TXNDC9: variants seen among roughly 807,000 people sequenced by gnomAD.
TXNDC9 encodes thioredoxin domain-containing protein 9.
Under a neutral mutation model 23.0 loss-of-function variants are expected in TXNDC9, and 7 were observed. The ratio of observed to expected loss-of-function variants is 0.30; its 90% CI spans 0.17 to 0.57. TXNDC9 has a LOEUF of 0.57. Ranked by LOEUF, TXNDC9 falls within the 20% of genes least tolerant of loss-of-function variation. The pLI, the probability that TXNDC9 is intolerant of heterozygous loss-of-function variation, is 0.90. For missense variants in TXNDC9, 198 were observed against 252.6 expected (o/e 0.78, Z 1.47); for synonymous variants, 72 against 90.6 (o/e 0.79, Z 1.17).
chr2:99,315,421 T>C (rs906804061), downstream of TXNDC9, among the ~76,000 whole-genome samples: 4 of 152,134 alleles, frequency 2.6e-5, no homozygotes, highest in Admixed American at 1.3e-4. Flanking sequence ...TTGAAAGAAT[T>C]CTCTACACAT....
the TXNDC9 span, among the ~76,000 whole-genome samples, chr2:99,308,091 A>G: frequency 2.4e-4 from 37 of 152,340 alleles, no homozygotes; most frequent in South Asian, 7.7e-3. Context: ...CTCTTTGTGC[A>G]GAAGGAAACA....
At chr2:99,332,451 G>GA (rs1335954106) in intron 2 of TXNDC9, among the ~76,000 whole-genome samples, 2 of 151,280 alleles carry the variant, frequency 1.3e-5, no homozygotes, top group South Asian at 2.1e-4. Flanking sequence ...TCAAAAAGCA[G>GA]AAAAAAAAAT....
downstream of TXNDC9, among the ~76,000 whole-genome samples, chr2:99,316,923 A>G (rs1350755731): frequency 6.6e-6 from 1 of 151,842 alleles, no homozygotes; most frequent in South Asian, 2.1e-4. Flanking sequence ...CGCCCGGCTA[A>G]TTTTTTGTAT....
chr2:99,311,489 G>A, the TXNDC9 span, among the ~76,000 whole-genome samples: 1 of 152,052 alleles, frequency 6.6e-6, no homozygotes, highest in Non-Finnish European at 1.5e-5. Context: ...TGGGGGAGGG[G>A]GTCTCACTAT....
At chr2:99,320,430 C>T (rs764312604) in intron 4 of TXNDC9, among the ~76,000 whole-genome samples, 3 of 152,100 alleles carry the variant, frequency 2.0e-5, no homozygotes, top group South Asian at 2.1e-4. Context: ...ATAATATGCC[C>T]GTCAAAAATC....
In TXNDC9 at chr2:99,327,527, A is replaced by G; in HGVS notation, c.308+8T>C. The G allele has an allele frequency of 6.3e-7, 1 of 1,590,328 alleles. No individual in the cohort carries two copies. The highest frequency in any genetic ancestry group is 8.6e-7 in the Non-Finnish European group (1 of 1,159,946). ...TTTAGAAAAAGTCACAGATGGAAAC[A>G]AAGTTACCTGAATGTGGAGTCTCTG... On this transcript the variant is annotated splice_region_variant and intron_variant, in intron 3 of 4. Coordinates refer to ENST00000264255, the MANE Select transcript of TXNDC9 (RefSeq NM_005783.4).
At chr2:99,319,948 G>T (rs550229121) in intron 4 of TXNDC9, 149 bp from the exon 5 acceptor site, 2 of 578,446 alleles carry the variant, frequency 3.5e-6, no homozygotes, top group Non-Finnish European at 6.0e-6. Context: ...TGCTTATATT[G>T]ATATTGATGG....
intron 2 of TXNDC9, among the ~76,000 whole-genome samples, chr2:99,331,533 A>C (rs2094225547): frequency 6.6e-6 from 1 of 151,972 alleles, no homozygotes; most frequent in Non-Finnish European, 1.5e-5. Flanking sequence ...AAAAGAAAGA[A>C]AAGAAAAAGA....
intron 1 of TXNDC9, among the ~76,000 whole-genome samples, chr2:99,334,890 A>C (rs1356937058): frequency 6.6e-6 from 1 of 151,994 alleles, no homozygotes; most frequent in Non-Finnish European, 1.5e-5. Context: ...TTCTTTTTGT[A>C]TTTTTAGTAC....
At chr2:99,324,186 C>T (rs1021322209) in intron 3 of TXNDC9, among the ~76,000 whole-genome samples, 8 of 152,174 alleles carry the variant, frequency 5.3e-5, no homozygotes, top group African/African-American at 1.7e-4. Flanking sequence ...TCAAAATTCT[C>T]TGGCAGTGGA....
intron 1 of TXNDC9, among the ~76,000 whole-genome samples, chr2:99,334,150 A>G (rs1201901050): frequency 6.6e-6 from 1 of 152,206 alleles, no homozygotes; most frequent in Non-Finnish European, 1.5e-5. Context: ...CAGATGTTTG[A>G]GACCAGCCTG....
chr2:99,327,981 C>T (rs1340912275), intron 2 of TXNDC9, among the ~76,000 whole-genome samples: 8 of 151,976 alleles, frequency 5.3e-5, no homozygotes, highest in Admixed American at 5.2e-4. Context: ...GATGGGTTTT[C>T]ACCATGTTGG....
intron 4 of TXNDC9, chr2:99,321,657 C>A (rs2094201985): frequency 4.3e-6 from 1 of 230,140 alleles, no homozygotes; most frequent in South Asian, 1.3e-4. Context: ...TTTTAAGTTT[C>A]CAGATTAATA....
downstream of TXNDC9, among the ~76,000 whole-genome samples, chr2:99,315,897 C>A (rs1028228511): frequency 7.2e-5 from 11 of 152,110 alleles, no homozygotes; most frequent in African/African-American, 2.2e-4. Context: ...CGAGTGAGTA[C>A]TCCAAATATG....
downstream of TXNDC9, among the ~76,000 whole-genome samples, chr2:99,315,998 G>C (rs1347552949): frequency 6.6e-6 from 1 of 152,012 alleles, no homozygotes; most frequent in African/African-American, 2.4e-5. Flanking sequence ...TGGGAGTGGA[G>C]GTTTTTGTTT....
In TXNDC9 at chr2:99,331,338, G is replaced by A. The variant is rs982022090; in HGVS notation, c.189+1684C>T. On this transcript the variant is annotated intron_variant, in intron 2 of 4. Coordinates refer to ENST00000264255, the MANE Select transcript of TXNDC9 (RefSeq NM_005783.4). ...CACCTGTAATCCCAGCACTTTGGGA[G>A]GCTGAGGCAGGCGGATCATTTGAGG... Among the ~76,000 whole-genome samples the A allele has an allele frequency of 5.0e-4, 76 of 152,098 alleles. 1 individual carries two copies. The highest frequency in any genetic ancestry group is 1.8e-3 in the African/African-American group (74 of 41,478).
chr2:99,312,826 G>T, the TXNDC9 span, among the ~76,000 whole-genome samples: 1 of 152,102 alleles, frequency 6.6e-6, no homozygotes, highest in African/African-American at 2.4e-5. Context: ...ATGCCTTATT[G>T]CTTTCATAAT....
chr2:99,316,743 C>T (rs760408719), downstream of TXNDC9, among the ~76,000 whole-genome samples: 20 of 151,810 alleles, frequency 1.3e-4, no homozygotes, highest in Non-Finnish European at 2.1e-4. Flanking sequence ...TTCTATTTGG[C>T]CCTTTTATTT....
chr2:99,328,098 T>C (rs1472287148), intron 2 of TXNDC9, among the ~76,000 whole-genome samples: 1 of 151,916 alleles, frequency 6.6e-6, no homozygotes, highest in African/African-American at 2.4e-5. Context: ...GTGTTATTTA[T>C]TTATTTTTTT....
Sources: allele counts gnomAD v4.1 joint callset (sites outside exome capture counted in the v4.1 genomes callset), GRCh38; gene constraint gnomAD v4.1.1; transcripts MANE v1.5; gene names NCBI Gene and HGNC (gene_info 2026-07-23, HGNC 2026-07-21).